Variants in DDX10 observed in about 807,000 individuals in gnomAD.
DDX10 encodes DEAD-box helicase 10.
In DDX10, 74 loss-of-function variants were observed where a neutral mutation model predicts 104.3. That is an observed-to-expected ratio of 0.71 (90% CI 0.59 to 0.86). The LOEUF is 0.86. Among genes scored for constraint, DDX10 ranks in the 40% least tolerant of loss-of-function variants. DDX10 has a pLI of 0.00. For missense variants in DDX10, 952 were observed against 1,040.0 expected (o/e 0.92, Z 1.16); for synonymous variants, 351 against 353.4 (o/e 0.99, Z 0.08).
intron 13 of DDX10, among the ~76,000 whole-genome samples, chr11:108,820,214 T>C (rs1862308231): frequency 6.6e-6 from 1 of 152,214 alleles, no homozygotes; most frequent in South Asian, 2.1e-4. Context: ...CATCTGTTAT[T>C]AACTACTCTT....
intron 17 of DDX10, among the ~76,000 whole-genome samples, chr11:108,927,037 C>T (rs1863918103): frequency 1.3e-5 from 2 of 152,286 alleles, no homozygotes; most frequent in South Asian, 4.1e-4. Context: ...AAAAGGACAC[C>T]TCAGGGTTTC....
intron 6 of DDX10, among the ~76,000 whole-genome samples, chr11:108,686,471 AG>A (rs1398885071): frequency 6.6e-6 from 1 of 152,170 alleles, no homozygotes; most frequent in Non-Finnish European, 1.5e-5. Flanking sequence ...AATGTTGTAT[AG>A]TTGGAACCAT....
At chr11:108,763,123 G>A (rs567280557) in intron 13 of DDX10, among the ~76,000 whole-genome samples, 1 of 152,324 alleles carries the variant, frequency 6.6e-6, no homozygotes, top group East Asian at 1.9e-4. Flanking sequence ...GAAGCTGGGT[G>A]TCCTTGGCAG....
chr11:108,676,989 G>T, intron 3 of DDX10, 96 bp from the exon 4 acceptor site: 1 of 1,141,962 alleles, frequency 8.8e-7, no homozygotes, highest in Non-Finnish European at 1.2e-6. Context: ...CCTTCTGCTT[G>T]GAAGATCCCT....
Position 108,882,480 on chromosome 11 carries a change from CTGTT to C in DDX10, c.2304+30274_2304+30277del, listed in dbSNP as rs763867642. 2.6e-5 allele frequency among the ~76,000 whole-genome samples: 4 copies of C among 152,186 alleles called. No homozygotes were observed. The East Asian group carries it at 5.8e-4, about 22-fold the overall frequency. On this transcript the variant is annotated intron_variant, in intron 16 of 17. Coordinates refer to ENST00000322536, the MANE Select transcript of DDX10 (RefSeq NM_004398.4). ...GTTGGGCTGAAATGAGCTCAGCAAT[CTGTT>C]TGACTAAAGAAGACTCGTGTTTAAT... is the stretch of plus-strand genomic sequence containing the variant.
At chr11:108,699,275 C>G (rs542896691) in intron 9 of DDX10, among the ~76,000 whole-genome samples, 32 of 152,246 alleles carry the variant, frequency 2.1e-4, no homozygotes, top group African/African-American at 7.0e-4. Flanking sequence ...TGGTTTAAAG[C>G]AATAACCATT....
rs76659011 is a variant in DDX10 at position 108,918,076 on chromosome 11, A to G, written c.2450+58A>G. ...TTAGTACTCTCACATCAGTCTTTTA[A>G]TGAATCCAAAAGACATTACTAAGAG... On this transcript the variant is annotated intron_variant, in intron 17 of 17. Coordinates refer to ENST00000322536, the MANE Select transcript of DDX10 (RefSeq NM_004398.4). 25 of 1,530,028 alleles carry G rather than the reference A, an allele frequency of 1.6e-5. No individual in the cohort carries two copies. The East Asian group carries it at 5.4e-4, about 33-fold the overall frequency. The allele number at this position is 1,530,028 out of a possible 1,614,324, so 94.8% of individuals were successfully genotyped here.
chr11:108,729,236 C>T (rs1670805424), intron 13 of DDX10, among the ~76,000 whole-genome samples: 1 of 152,082 alleles, frequency 6.6e-6, no homozygotes, highest in South Asian at 2.1e-4. Flanking sequence ...TAAGAGGGCC[C>T]CAGTGACACT....
chr11:108,800,419 TGGGCGACA>T (rs1458964227), intron 13 of DDX10, among the ~76,000 whole-genome samples: 2 of 119,034 alleles, frequency 1.7e-5, no homozygotes, highest in Non-Finnish European at 3.2e-5. Context: ...CTCTCCAGCC[TGGGCGACA>T]GAGCGAGACT....
chr11:108,875,288 T>C (rs1863137609), intron 16 of DDX10, among the ~76,000 whole-genome samples: 1 of 152,216 alleles, frequency 6.6e-6, no homozygotes, highest in African/African-American at 2.4e-5. Context: ...ATTAGACTTG[T>C]TGTATCTTAG....
intron 16 of DDX10, among the ~76,000 whole-genome samples, chr11:108,896,352 A>AT (rs1416192569): frequency 2.3e-4 from 3 of 13,256 alleles, no homozygotes; most frequent in Non-Finnish European, 7.3e-4. Flanking sequence ...AGTCCTTCAC[A>AT]TATTTTTTTT....
chr11:108,812,721 C>T (rs571353238), intron 13 of DDX10, among the ~76,000 whole-genome samples: 1 of 152,038 alleles, frequency 6.6e-6, no homozygotes, highest in African/African-American at 2.4e-5. Context: ...GTGGCTCATG[C>T]CTGTAATCCC....
intron 4 of DDX10, among the ~76,000 whole-genome samples, chr11:108,677,684 G>A (rs1401447988): frequency 6.7e-6 from 1 of 148,556 alleles, no homozygotes; most frequent in East Asian, 2.0e-4. Context: ...GCTCACTTTT[G>A]TTCTATCTTA....
intron 9 of DDX10, among the ~76,000 whole-genome samples, chr11:108,702,477 T>G (rs2094269856): frequency 1.3e-5 from 2 of 152,240 alleles, no homozygotes; most frequent in East Asian, 1.9e-4. Context: ...GTGGGAAGGA[T>G]GAATGAGCAA....
At chr11:108,745,654 T>A (rs1591807654) in intron 13 of DDX10, among the ~76,000 whole-genome samples, 1 of 152,308 alleles carries the variant, frequency 6.6e-6, no homozygotes, top group Middle Eastern at 3.4e-3. Flanking sequence ...TTAATACAGA[T>A]CCATCTTAAA....
rs749749021 is a variant in DDX10, at chr11:108,691,892, G to A, written c.992G>A (p.Arg331Gln). 19 of 1,613,858 alleles carry A rather than the reference G, an allele frequency of 1.2e-5. No individual in the cohort carries two copies. The highest frequency in any genetic ancestry group is 1.4e-5 in the Non-Finnish European group (17 of 1,179,942). ...SSCKEVQYLY[R>Q]VFCRLRPGVS... is the part of the protein sequence containing the mutation. The stretch of plus-strand genomic sequence containing the variant: ...ATGCCCCAGGTCCAGTATCTGTACC[G>A]AGTGTTTTGCCGGCTACGTCCTGGT... The change falls in exon 8 of 18, where the codon CGA (arginine) becomes CAA (glutamine). Residue 331 changes from arginine (R) to glutamine (Q), a missense_variant. Arg to Gln is a conservative substitution (Grantham distance 43). Transcript: ENST00000322536.
intron 9 of DDX10, among the ~76,000 whole-genome samples, chr11:108,704,874 C>G (rs562585862): frequency 6.6e-6 from 1 of 152,192 alleles, no homozygotes. Flanking sequence ...ACTGGACTCT[C>G]AAATGGTGCC....
rs558380587 is a variant in DDX10 at position 108,763,145 on chromosome 11, A to C, written c.1965+39683A>C. ...GGTGTCCTTGGCAGAACAGGTGCTC[A>C]CTTAATAGAGGCAGAGAAGGGTCTG... On this transcript the variant is annotated intron_variant, in intron 13 of 17. Transcript: ENST00000322536. Among the ~76,000 whole-genome samples the C allele has an allele frequency of 2.0e-5, 3 of 152,292 alleles. No individual in the cohort carries two copies. In the South Asian group the frequency reaches 6.2e-4, roughly 32 times the overall value.
chr11:108,803,598 A>AAAAAAAG lies in DDX10; in HGVS notation c.1966-34844_1966-34843insAAGAAAA, dbSNP rs1555027136. On this transcript the variant is annotated intron_variant, in intron 13 of 17. Coordinates refer to ENST00000322536, the MANE Select transcript of DDX10 (RefSeq NM_004398.4). ...AACAAGAGCGAAAAAAAAAAAAAAA[A>AAAAAAAG]AAAAGAAAAAAATCTTTGTTTTTCC... 4.3e-5 allele frequency among the ~76,000 whole-genome samples: 6 copies of AAAAAAAG among 138,664 alleles called. No homozygotes were observed. The South Asian group carries it at 1.3e-3, about 31-fold the overall frequency. The allele number at this position is 138,664 out of a possible 152,430, so 91.0% of individuals were successfully genotyped here.
Sources: allele counts gnomAD v4.1 joint callset (sites outside exome capture counted in the v4.1 genomes callset), GRCh38; gene constraint gnomAD v4.1.1; transcripts MANE v1.5; gene names NCBI Gene and HGNC (gene_info 2026-07-23, HGNC 2026-07-21).